The following LRFN5 variants were observed in gnomAD, a reference collection of about 807,000 sequenced individuals.
LRFN5 encodes leucine-rich repeat and fibronectin type-III domain-containing protein 5.
Under a neutral mutation model 45.6 loss-of-function variants are expected in LRFN5, and 24 were observed. That is an observed-to-expected ratio of 0.53 (90% CI 0.38 to 0.74). The LOEUF (loss-of-function observed/expected upper bound fraction) is 0.74. Ranked by LOEUF, LRFN5 falls within the 30% of genes least tolerant of loss-of-function variation. LRFN5 has a pLI of 0.00. For missense variants in LRFN5, 776 were observed against 861.5 expected, an observed-to-expected ratio of 0.90 and a Z score of 1.24; for synonymous variants, 340 against 313.8, an observed-to-expected ratio of 1.08 and a Z score of -0.88.
chr14:41,638,278 A>G (rs1566598539), intron 1 of LRFN5, among the ~76,000 whole-genome samples: 1 of 151,998 alleles, frequency 6.6e-6, no homozygotes, highest in Non-Finnish European at 1.5e-5. Context: ...CCTAATTAAA[A>G]TGATAGAGGG....
chr14:41,771,529 G>T lies in LRFN5; in HGVS notation c.-21+4500G>T, dbSNP rs1198319698. On this transcript the variant is annotated intron_variant, in intron 2 of 5. Coordinates refer to ENST00000298119, the MANE Select transcript of LRFN5 (RefSeq NM_152447.5). ...AGCCATGTCACTTCTTGAACATTTT[G>T]CTGCTTAGAATTTTTTTCTGCCAGA... is the stretch of plus-strand genomic sequence containing the variant. Among the ~76,000 whole-genome samples, 4 of 151,966 alleles carry T rather than the reference G, an allele frequency of 2.6e-5. No individual in the cohort carries two copies. In the East Asian group the frequency reaches 7.8e-4, roughly 30 times the overall value.
intron 2 of LRFN5, among the ~76,000 whole-genome samples, chr14:41,783,570 A>G (rs1566438871): frequency 6.6e-6 from 1 of 152,116 alleles, no homozygotes; most frequent in Non-Finnish European, 1.5e-5. Flanking sequence ...AGAGGTTTCA[A>G]TTTTGACTAA....
intron 1 of LRFN5, among the ~76,000 whole-genome samples, chr14:41,755,349 G>A (rs554302908): frequency 8.7e-4 from 133 of 152,168 alleles, no homozygotes; most frequent in African/African-American, 2.9e-3. Context: ...TGATCTGTCT[G>A]ATGTTGACAG....
chr14:41,717,841 A>C (rs1883552063), intron 1 of LRFN5, among the ~76,000 whole-genome samples: 1 of 152,188 alleles, frequency 6.6e-6, no homozygotes, highest in Non-Finnish European at 1.5e-5. Flanking sequence ...CTTCAGTCTC[A>C]AACCTCTTAT....
rs1178290977 is a variant in LRFN5 at position 41,781,604 on chromosome 14, GAA to G, written c.-21+14577_-21+14578del. ...AGAAAGAAAGAAAGAAAGAAAGAAA[GAA>G]AGAAAGAAAGAGAAAGAAAGAAAGA... On this transcript the variant is annotated intron_variant, in intron 2 of 5. Transcript: ENST00000298119. Among the ~76,000 whole-genome samples, 46 of 77,688 alleles carry G rather than the reference GAA, an allele frequency of 5.9e-4. 1 individual carries two copies. The highest frequency in any genetic ancestry group is 1.7e-3 in the African/African-American group (27 of 15,726). The allele number at this position is 77,688 out of a possible 152,430, so 51.0% of individuals were successfully genotyped here. A position where few individuals can be genotyped will look rare whatever the true frequency, so the allele number is the denominator to read the frequency against.
chr14:41,792,613 T>C (rs934075555), intron 2 of LRFN5, among the ~76,000 whole-genome samples: 1 of 151,998 alleles, frequency 6.6e-6, no homozygotes, highest in African/African-American at 2.4e-5. Context: ...TGCACGTCTG[T>C]TTATATGCTC....
intron 2 of LRFN5, among the ~76,000 whole-genome samples, chr14:41,819,738 A>G (rs1444231435): frequency 6.6e-6 from 1 of 152,094 alleles, no homozygotes; most frequent in Non-Finnish European, 1.5e-5. Flanking sequence ...TGGTCACTAG[A>G]GTGCCAAGAA....
At chr14:41,642,254 G>A (rs1879612881) in intron 1 of LRFN5, among the ~76,000 whole-genome samples, 1 of 152,118 alleles carries the variant, frequency 6.6e-6, no homozygotes, top group Non-Finnish European at 1.5e-5. Flanking sequence ...GGACCACAAA[G>A]TACAATCTGG....
At chr14:41,760,371 T>G (rs560044923) in intron 1 of LRFN5, among the ~76,000 whole-genome samples, 3 of 152,294 alleles carry the variant, frequency 2.0e-5, no homozygotes, top group Admixed American at 2.0e-4. Flanking sequence ...TACAGGCATG[T>G]GTCACTGTGC....
At chr14:41,707,888 C>A (rs527976042) in intron 1 of LRFN5, among the ~76,000 whole-genome samples, 3 of 151,864 alleles carry the variant, frequency 2.0e-5, no homozygotes, top group Non-Finnish European at 4.4e-5. Flanking sequence ...AGTTTCTTGG[C>A]CCCTAAATGA....
At chr14:41,724,093 G>A (rs1262579478) in intron 1 of LRFN5, among the ~76,000 whole-genome samples, 1 of 152,094 alleles carries the variant, frequency 6.6e-6, no homozygotes, top group Non-Finnish European at 1.5e-5. Context: ...CTCACGTACT[G>A]GGGCTACACT....
chr14:41,808,647 T>C, intron 2 of LRFN5, among the ~76,000 whole-genome samples: 1 of 152,080 alleles, frequency 6.6e-6, no homozygotes, highest in East Asian at 1.9e-4. Context: ...GTGTACCCAA[T>C]TGTGGCCAGA....
At chr14:41,849,416 G>T (rs1392576820) in intron 2 of LRFN5, among the ~76,000 whole-genome samples, 1 of 151,090 alleles carries the variant, frequency 6.6e-6, no homozygotes, top group East Asian at 1.9e-4. Flanking sequence ...TTTTTATAAG[G>T]TAGCATCAGA....
intron 1 of LRFN5, chr14:41,700,385 C>T (rs1882789573): frequency 6.6e-6 from 1 of 151,960 alleles, no homozygotes; most frequent in Non-Finnish European, 1.5e-5. Context: ...ATATCTGAAA[C>T]TTTGGGTTTG....
chr14:41,707,935 A>T (rs1227817765), intron 1 of LRFN5, among the ~76,000 whole-genome samples: 1 of 152,096 alleles, frequency 6.6e-6, no homozygotes, highest in Non-Finnish European at 1.5e-5. Flanking sequence ...TAATTAAAAG[A>T]TGTTCAAAAA....
At chr14:41,768,160 A>T (rs1271775924) in intron 2 of LRFN5, among the ~76,000 whole-genome samples, 1 of 152,172 alleles carries the variant, frequency 6.6e-6, no homozygotes, top group Non-Finnish European at 1.5e-5. Context: ...TCAATATGCA[A>T]TAGAAATGCA....
At chr14:41,609,870 C>T (rs1317513172) in intron 1 of LRFN5, among the ~76,000 whole-genome samples, 2 of 152,134 alleles carry the variant, frequency 1.3e-5, no homozygotes, top group Non-Finnish European at 1.5e-5. Context: ...TGATTTTCCC[C>T]CACTCGCTGC....
intron 1 of LRFN5, among the ~76,000 whole-genome samples, chr14:41,693,623 G>A (rs1409938378): frequency 6.6e-6 from 1 of 151,782 alleles, no homozygotes; most frequent in Non-Finnish European, 1.5e-5. Context: ...AACATGTATT[G>A]AAATGTTGTT....
chr14:41,656,144 G>C (rs537678385), intron 1 of LRFN5, among the ~76,000 whole-genome samples: 2 of 151,976 alleles, frequency 1.3e-5, no homozygotes, highest in East Asian at 3.9e-4. Flanking sequence ...TTCACTTACT[G>C]CGTAGCTATG....
Sources: gnomAD v4.1 joint callset for allele counts (sites outside exome capture counted in the v4.1 genomes callset) on GRCh38, gnomAD v4.1.1 for gene constraint, MANE v1.5 for transcripts, NCBI Gene and HGNC (gene_info 2026-07-23, HGNC 2026-07-21) for gene names.